Variants in CHST9 observed in about 807,000 individuals in gnomAD.
The protein encoded by CHST9 is GalNAc-4-sulfotransferase 2.
Under a neutral mutation model 44.4 loss-of-function variants are expected in CHST9, and 41 were observed. The ratio of observed to expected loss-of-function variants is 0.92; its 90% confidence interval spans 0.72 to 1.20. The LOEUF is 1.20. Ranked by LOEUF, CHST9 falls within the 50% of genes most tolerant of loss-of-function variation. The probability of loss-of-function intolerance (pLI) is 0.00; values close to 1 mark genes in which losing one functional copy is unlikely to be tolerated. For missense variants in CHST9, 504 were observed against 516.5 expected (o/e 0.98, Z 0.23); for synonymous variants, 171 against 178.4 (o/e 0.96, Z 0.33).
At chr18:27,074,465 G>T (rs2057877300) in intron 2 of CHST9, among the ~76,000 whole-genome samples, 1 of 152,102 alleles carries the variant, frequency 6.6e-6, no homozygotes, top group Non-Finnish European at 1.5e-5. Context: ...GGGGTAAAAG[G>T]TTTGTGTGTT....
intron 2 of CHST9, among the ~76,000 whole-genome samples, chr18:27,063,214 T>G (rs1402059062): frequency 6.6e-6 from 1 of 152,200 alleles, no homozygotes; most frequent in Non-Finnish European, 1.5e-5. Flanking sequence ...CAGTAAACAT[T>G]AGATTCTGGA....
At chr18:27,145,501 T>C (rs1229636209) in intron 1 of CHST9, among the ~76,000 whole-genome samples, 2 of 152,198 alleles carry the variant, frequency 1.3e-5, no homozygotes, top group Non-Finnish European at 2.9e-5. Context: ...TTATTCTTCT[T>C]TATATTTTAA....
At chr18:26,953,091 T>C (rs1461377616) in intron 4 of CHST9, among the ~76,000 whole-genome samples, 2 of 152,240 alleles carry the variant, frequency 1.3e-5, no homozygotes, top group African/African-American at 4.8e-5. Flanking sequence ...AGTTCAAGAA[T>C]ATCTCTTGAA....
chr18:26,972,645 G>A (rs2056564646), intron 4 of CHST9, among the ~76,000 whole-genome samples: 1 of 152,092 alleles, frequency 6.6e-6, no homozygotes, highest in Admixed American at 6.6e-5. Context: ...CAGAATTGGA[G>A]GCAGAAAAAT....
At chr18:26,942,155 T>A (rs539379448) in intron 5 of CHST9, among the ~76,000 whole-genome samples, 1 of 152,092 alleles carries the variant, frequency 6.6e-6, no homozygotes, top group Non-Finnish European at 1.5e-5. Context: ...TTTGGTGGCA[T>A]AGTGATTTGA....
chr18:26,970,375 T>A (rs1466217084), intron 4 of CHST9, among the ~76,000 whole-genome samples: 2 of 152,236 alleles, frequency 1.3e-5, no homozygotes, highest in African/African-American at 4.8e-5. Flanking sequence ...TTCTAAATGC[T>A]GTATGTATTG....
chr18:27,120,856 C>A (rs1000368387), intron 2 of CHST9, among the ~76,000 whole-genome samples: 4 of 152,084 alleles, frequency 2.6e-5, no homozygotes, highest in Non-Finnish European at 5.9e-5. Context: ...CAGGGTTTTC[C>A]CAAAAACAGG....
At chr18:27,185,030 GT>G (rs1228126523) in intron 1 of CHST9, 105 bp downstream of exon 1, 2 of 152,524 alleles carry the variant, frequency 1.3e-5, no homozygotes, top group African/African-American at 2.4e-5. Flanking sequence ...GAGGGCGCAC[GT>G]CCCCGCCCAC....
intron 1 of CHST9, among the ~76,000 whole-genome samples, chr18:27,154,084 A>G (rs1401215174): frequency 1.3e-5 from 2 of 152,198 alleles, no homozygotes; most frequent in Non-Finnish European, 2.9e-5. Flanking sequence ...TAAATTAGGC[A>G]AGCCAATACA....
At chr18:27,171,623 A>G (rs1163123604) in intron 1 of CHST9, among the ~76,000 whole-genome samples, 1 of 152,224 alleles carries the variant, frequency 6.6e-6, no homozygotes, top group Admixed American at 6.5e-5. Flanking sequence ...GTTCATAAAG[A>G]GAACGTGGTT....
At chr18:27,048,017 G>T (rs1429499107) in intron 3 of CHST9, among the ~76,000 whole-genome samples, 1 of 152,164 alleles carries the variant, frequency 6.6e-6, no homozygotes, top group Non-Finnish European at 1.5e-5. Context: ...AGAAGTGAAG[G>T]CATTCTTAAA....
chr18:27,170,026 A>T (rs1446023266), intron 1 of CHST9, among the ~76,000 whole-genome samples: 1 of 152,206 alleles, frequency 6.6e-6, no homozygotes, highest in African/African-American at 2.4e-5. Flanking sequence ...GATTTGCTTG[A>T]GGCAGGTACA....
chr18:27,132,450 TA>T (rs1314595427), intron 2 of CHST9, among the ~76,000 whole-genome samples: 2 of 152,172 alleles, frequency 1.3e-5, no homozygotes, highest in East Asian at 3.9e-4. Flanking sequence ...AAAATCGAGT[TA>T]AACACCAGCT....
chr18:27,089,696 C>G (rs1421557806), intron 2 of CHST9, among the ~76,000 whole-genome samples: 2 of 152,116 alleles, frequency 1.3e-5, no homozygotes, highest in Non-Finnish European at 2.9e-5. Context: ...GACCTAGATC[C>G]TTGAGGAATT....
At chr18:27,141,591 CAAAAAAAAAAAAAAAAAAAA>C (rs34920055) in intron 2 of CHST9, among the ~76,000 whole-genome samples, 1 of 50,098 alleles carries the variant, frequency 2.0e-5, no homozygotes, top group Non-Finnish European at 3.5e-5. Context: ...AATCCCGACT[CAAAAAAAAAAAAAAAAAAAA>C]AAAAAGTAGG....
chr18:26,929,539 C>T (rs2055838154), intron 5 of CHST9, among the ~76,000 whole-genome samples: 1 of 152,118 alleles, frequency 6.6e-6, no homozygotes, highest in Non-Finnish European at 1.5e-5. Context: ...ATTAAGATGA[C>T]CATGGGAACA....
chr18:26,977,704 A>T (rs529739033), intron 4 of CHST9, among the ~76,000 whole-genome samples: 1 of 152,312 alleles, frequency 6.6e-6, no homozygotes, highest in Admixed American at 6.5e-5. Flanking sequence ...GCATTATTAC[A>T]CTTAGGAGGG....
intron 1 of CHST9, among the ~76,000 whole-genome samples, chr18:27,176,055 G>A (rs2058865946): frequency 6.6e-6 from 1 of 152,104 alleles, no homozygotes; most frequent in Admixed American, 6.6e-5. Context: ...TTAGGGGATG[G>A]GGGGATGGGA....
At chr18:27,127,742 G>T (rs921409087) in intron 2 of CHST9, among the ~76,000 whole-genome samples, 1 of 152,178 alleles carries the variant, frequency 6.6e-6, no homozygotes, top group Non-Finnish European at 1.5e-5. Context: ...ATACATAGAC[G>T]ATGGGCAAGA....
Sources: allele counts gnomAD v4.1 joint callset (sites outside exome capture counted in the v4.1 genomes callset), GRCh38; gene constraint gnomAD v4.1.1; transcripts MANE v1.5; gene names NCBI Gene and HGNC (gene_info 2026-07-23, HGNC 2026-07-21).